Variants in APPL1 observed in about 807,000 individuals in gnomAD.
APPL1 encodes the protein DCC-interacting protein 13-alpha.
In APPL1, 42 loss-of-function variants were observed where a neutral mutation model predicts 106.8. That is an observed-to-expected ratio of 0.39 (90% CI 0.31 to 0.51). The LOEUF is 0.51. APPL1 is among the 20% of genes least tolerant of loss of function. APPL1 has a pLI of 0.75. For synonymous variants in APPL1, 263 were observed against 281.8 expected (o/e 0.93, Z 0.67); for missense variants, 769 against 858.2 (o/e 0.90, Z 1.30).
Position 57,247,406 on chromosome 3 carries a change from T to G in APPL1, c.633T>G (p.Phe211Leu). 1 of 1,609,016 alleles carries G rather than the reference T, an allele frequency of 6.2e-7. No individual in the cohort carries two copies. The highest frequency in any genetic ancestry group is 8.5e-7 in the Non-Finnish European group (1 of 1,176,066). ...TCCCCACTCTCCAGATAAGTTTCTT[T>G]AAGATGGGTTCTGAAAATCTTAATG... ...LGYMQAQISF[F>L]KMGSENLNEQ... Residue 211 changes from phenylalanine (F) to leucine (L), a missense_variant, in exon 9 of 22, where the codon TTT becomes TTG. Physicochemically the swap from Phe to Leu is conservative, Grantham distance 22. Coordinates refer to ENST00000288266, the MANE Select transcript of APPL1 (RefSeq NM_012096.3).
rs4622872 is a variant in APPL1 at position 57,260,236 on chromosome 3, G to A, written c.1695+83G>A. On this transcript the variant is annotated intron_variant, in intron 18 of 21. Transcript: ENST00000288266. ...ACAACTTGATAATAATCCTGATCCT[G>A]TATATTCAAGTGTGATAGTATCAGC... 1.0e-3 allele frequency: 1,420 copies of A among 1,381,502 alleles called. 33 individuals carry two copies. In the Admixed American group the frequency reaches 0.029, roughly 28 times the overall value. The allele number at this position is 1,381,502 out of a possible 1,614,324, so 85.6% of individuals were successfully genotyped here. A position where few individuals can be genotyped will look rare whatever the true frequency, so the allele number is the denominator to read the frequency against.
intron 7 of APPL1, among the ~76,000 whole-genome samples, chr3:57,245,548 G>GT (rs1003933764): frequency 4.0e-3 from 539 of 134,380 alleles, no homozygotes; most frequent in African/African-American, 7.7e-3. Context: ...TCAATATGCA[G>GT]TTTTTTTTTT....
At chr3:57,229,292 C>T (rs1186746341) in intron 1 of APPL1, among the ~76,000 whole-genome samples, 1 of 151,712 alleles carries the variant, frequency 6.6e-6, no homozygotes, top group Admixed American at 6.6e-5. Context: ...ATGTAAGATT[C>T]AACAGGTTGC....
chr3:57,229,212 A>G (rs116318749), intron 1 of APPL1, among the ~76,000 whole-genome samples: 1 of 152,186 alleles, frequency 6.6e-6, no homozygotes, highest in Non-Finnish European at 1.5e-5. Context: ...TATAAACTGT[A>G]TTTGTTTCAG....
chr3:57,241,025 C>T (rs2060743653), intron 5 of APPL1, among the ~76,000 whole-genome samples: 2 of 152,098 alleles, frequency 1.3e-5, no homozygotes, highest in Admixed American at 6.5e-5. Context: ...GGCTGCAATG[C>T]TGTATGTGTT....
intron 2 of APPL1, 116 bp downstream of exon 2, chr3:57,235,780 A>G: frequency 1.6e-6 from 1 of 633,106 alleles, no homozygotes; most frequent in Non-Finnish European, 2.7e-6. Flanking sequence ...GCTCATAGTA[A>G]TAAATATTTG....
At position 57,232,309 on chromosome 3, in the gene APPL1, G is replaced by A. The variant is rs150325885; in HGVS notation, c.55-3257G>A. On this transcript the variant is annotated intron_variant, in intron 1 of 21. Coordinates refer to ENST00000288266, the MANE Select transcript of APPL1 (RefSeq NM_012096.3). The stretch of plus-strand genomic sequence containing the variant: ...GTGCCTTTCCTCCCAACATTTTGAT[G>A]TCTCTGATTGGGATTCCTCTTAGAG... Among the ~76,000 whole-genome samples the A allele has an allele frequency of 4.1e-4, 63 of 152,272 alleles. No individual in the cohort carries two copies. In the East Asian group the frequency reaches 0.01, roughly 24 times the overall value.
At chr3:57,260,204 A>G (rs953460075) in intron 18 of APPL1, 51 bp downstream of exon 18, 2 of 1,508,988 alleles carry the variant, frequency 1.3e-6, no homozygotes, top group Non-Finnish European at 1.8e-6. Context: ...GTATATATAC[A>G]CATCTTACAA....
chr3:57,238,243 C>T (rs12639528), intron 4 of APPL1, 127 bp downstream of exon 4: 4 of 618,450 alleles, frequency 6.5e-6, no homozygotes, highest in Non-Finnish European at 8.1e-6. Context: ...ATTCCACATC[C>T]TGGTGGCTGG....
At chr3:57,237,110 G>T (rs2060720367) in intron 2 of APPL1, among the ~76,000 whole-genome samples, 1 of 152,160 alleles carries the variant, frequency 6.6e-6, no homozygotes, top group African/African-American at 2.4e-5. Context: ...CCACATTTTG[G>T]TTGTATGTTA....
chr3:57,229,724 T>G (rs7631457), intron 1 of APPL1, among the ~76,000 whole-genome samples: 1,939 of 145,898 alleles, frequency 0.013, 12 homozygotes, highest in African/African-American at 0.048. Flanking sequence ...TTTTTTTTTT[T>G]TTTCCTGAGA....
intron 15 of APPL1, 82 bp from the exon 16 acceptor site, chr3:57,258,946 A>T: frequency 9.7e-7 from 1 of 1,029,110 alleles, no homozygotes; most frequent in Non-Finnish European, 1.5e-6. Context: ...TTAAATGTTA[A>T]CTGTGGTTTT....
rs368559292 is a variant in APPL1, at chr3:57,262,676, A to G, written c.1842+1902A>G. Among the ~76,000 whole-genome samples the G allele has an allele frequency of 2.7e-5, 4 of 150,080 alleles. No individual in the cohort carries two copies. The East Asian group carries it at 6.0e-4, about 22-fold the overall frequency. On this transcript the variant is annotated intron_variant, in intron 19 of 21. Transcript: ENST00000288266. ...GCTGGGATTACAGGCATGAGCTGCCACACCCAGCTGGAAAAAGAACCTTTA... is the reference window on the plus strand; with the variant it reads ...GCTGGGATTACAGGCATGAGCTGCCGCACCCAGCTGGAAAAAGAACCTTTA...
intron 7 of APPL1, 34 bp from the exon 8 acceptor site, chr3:57,246,042 A>G: frequency 6.8e-7 from 1 of 1,476,720 alleles, no homozygotes. Context: ...ATAGCAGATT[A>G]TTTACTTAAT....
chr3:57,265,680 CA>C (rs1164040335), intron 19 of APPL1, among the ~76,000 whole-genome samples: 4 of 151,822 alleles, frequency 2.6e-5, no homozygotes, highest in Non-Finnish European at 4.4e-5. Flanking sequence ...AATATAAGAT[CA>C]TCATATCATC....
chr3:57,237,378 TA>T (rs2060721845), intron 2 of APPL1, 113 bp from the exon 3 acceptor site: 1 of 776,164 alleles, frequency 1.3e-6, no homozygotes, highest in Non-Finnish European at 2.0e-6. Context: ...ATGAAGGTTT[TA>T]AAAAACATGT....
chr3:57,229,581 A>G lies in APPL1; in HGVS notation c.54+1644A>G, dbSNP rs914257273. On this transcript the variant is annotated intron_variant, in intron 1 of 21. Transcript: ENST00000288266. ...TGCTATGTTTCCCAGTCTGGAGAGC[A>G]ATGGCTGTTCACAGACACTATCGTA... 3.9e-5 allele frequency among the ~76,000 whole-genome samples: 6 copies of G among 152,062 alleles called. No homozygotes were observed. In the East Asian group the frequency reaches 1.2e-3, roughly 29 times the overall value.
chr3:57,248,434 C>A, intron 10 of APPL1, 83 bp downstream of exon 10: 1 of 1,438,046 alleles, frequency 7.0e-7, no homozygotes, highest in Non-Finnish European at 9.3e-7. Context: ...TGATGTCTGT[C>A]ATATTTTGAT....
At chr3:57,253,990 G>A (rs1040450251) in intron 13 of APPL1, among the ~76,000 whole-genome samples, 2 of 151,782 alleles carry the variant, frequency 1.3e-5, no homozygotes, top group Non-Finnish European at 2.9e-5. Context: ...AGCCTCACCA[G>A]TAGCTGAGAT....
Sources: allele counts gnomAD v4.1 joint callset (sites outside exome capture counted in the v4.1 genomes callset), GRCh38; gene constraint gnomAD v4.1.1; transcripts MANE v1.5; gene names NCBI Gene and HGNC (gene_info 2026-07-23, HGNC 2026-07-21).